PLCB1: variants seen among roughly 807,000 people sequenced by gnomAD.
PLCB1 encodes 1-phosphatidylinositol 4,5-bisphosphate phosphodiesterase beta-1.
In PLCB1, 46 loss-of-function variants were observed where a neutral mutation model predicts 161.8. The ratio of observed to expected loss-of-function variants is 0.28; its 90% CI spans 0.22 to 0.36. The LOEUF (loss-of-function observed/expected upper bound fraction) is 0.36. PLCB1 is among the 10% of genes least tolerant of loss of function. The pLI is 1.00. For missense variants in PLCB1, 1,016 were observed against 1,472.5 expected, an observed-to-expected ratio of 0.69 and a Z score of 5.07; for synonymous variants, 517 against 503.7, an observed-to-expected ratio of 1.03 and a Z score of -0.35.
chr20:8,496,452 A>T (rs555204172), intron 3 of PLCB1, among the ~76,000 whole-genome samples: 7 of 152,348 alleles, frequency 4.6e-5, no homozygotes, highest in Admixed American at 6.5e-5. Context: ...TGCATTAAGC[A>T]GTGATCGCGC....
chr20:8,261,243 G>A (rs1021323354), intron 2 of PLCB1, among the ~76,000 whole-genome samples: 3 of 152,036 alleles, frequency 2.0e-5, no homozygotes, highest in Admixed American at 6.6e-5. Flanking sequence ...TCTGAGAAAC[G>A]CCCCCAATAA....
chr20:8,303,851 G>T (rs1984011936), intron 2 of PLCB1, among the ~76,000 whole-genome samples: 1 of 152,130 alleles, frequency 6.6e-6, no homozygotes, highest in Admixed American at 6.6e-5. Flanking sequence ...TTGGCAGTAG[G>T]GTCTAGGATT....
At chr20:8,172,641 G>GT (rs772541807) in intron 2 of PLCB1, among the ~76,000 whole-genome samples, 2 of 152,148 alleles carry the variant, frequency 1.3e-5, no homozygotes, top group Non-Finnish European at 2.9e-5. Context: ...TTGGACTTGT[G>GT]TTTTTTAAAA....
chr20:8,224,690 A>C (rs572108720), intron 2 of PLCB1, among the ~76,000 whole-genome samples: 39 of 152,264 alleles, frequency 2.6e-4, no homozygotes, highest in African/African-American at 9.4e-4. Context: ...TAATTTTCAC[A>C]AACTGAACAA....
chr20:8,722,435 G>A lies in PLCB1; in HGVS notation c.1581+14G>A. On this transcript the variant is annotated intron_variant, in intron 15 of 31. Coordinates refer to ENST00000338037, the MANE Select transcript of PLCB1 (RefSeq NM_015192.4). ...TCAATGGATGAGGTGGGTACTTAGG[G>A]CTTCTGGTCCCTAAGGCATTCCACC... 6.3e-7 allele frequency: 1 copy of A among 1,597,440 alleles called. No individual in the cohort carries two copies. The highest frequency in any genetic ancestry group is 8.5e-7 in the Non-Finnish European group (1 of 1,170,520).
chr20:8,562,342 T>C (rs1358862274), intron 3 of PLCB1, among the ~76,000 whole-genome samples: 2 of 152,100 alleles, frequency 1.3e-5, no homozygotes. Flanking sequence ...TCAGCGGTCC[T>C]AATGTTTGGT....
chr20:8,250,657 G>C (rs1255079836), intron 2 of PLCB1, among the ~76,000 whole-genome samples: 1 of 151,838 alleles, frequency 6.6e-6, no homozygotes, highest in Admixed American at 6.6e-5. Context: ...TACTCATAGT[G>C]CATTTAATCT....
chr20:8,436,912 C>T (rs2122597657), intron 3 of PLCB1, among the ~76,000 whole-genome samples: 2 of 152,276 alleles, frequency 1.3e-5, no homozygotes, highest in Middle Eastern at 6.8e-3. Context: ...GCTTCAGCCT[C>T]CCAAGTAGCT....
intron 2 of PLCB1, among the ~76,000 whole-genome samples, chr20:8,243,839 A>G (rs1467528539): frequency 6.6e-6 from 1 of 151,948 alleles, no homozygotes; most frequent in Non-Finnish European, 1.5e-5. Context: ...ATACCACCAA[A>G]GTGGTGTGCT....
intron 31 of PLCB1, among the ~76,000 whole-genome samples, chr20:8,881,328 C>CGTGTGTGTGTGTGTGTGTGTGTGT (rs3222517): frequency 1.6e-5 from 2 of 128,860 alleles, no homozygotes; most frequent in African/African-American, 2.6e-5. Context: ...TCAAAAGACC[C>CGTGTGTGTGTGTGTGTGTGTGTGT]GTGTGTGTGT....
At chr20:8,197,273 C>T (rs1306303063) in intron 2 of PLCB1, among the ~76,000 whole-genome samples, 1 of 151,786 alleles carries the variant, frequency 6.6e-6, no homozygotes, top group Non-Finnish European at 1.5e-5. Flanking sequence ...GAACCAGTCC[C>T]ACCAACAGTG....
intron 26 of PLCB1, among the ~76,000 whole-genome samples, chr20:8,772,923 T>C (rs1259096531): frequency 6.6e-6 from 1 of 151,844 alleles, no homozygotes; most frequent in Non-Finnish European, 1.5e-5. Context: ...AGAGCAAAAC[T>C]CCATCTCAAA....
chr20:8,722,348 T>G lies in PLCB1; in HGVS notation c.1514-6T>G. 6.2e-7 allele frequency: 1 copy of G among 1,608,380 alleles called. No homozygotes were observed. Among genetic ancestry groups the G allele is most frequent in the Non-Finnish European group, 8.5e-7 (1 of 1,176,812 alleles). On this transcript the variant is annotated splice_region_variant and splice_polypyrimidine_tract_variant and intron_variant, in intron 14 of 31. Coordinates refer to ENST00000338037, the MANE Select transcript of PLCB1 (RefSeq NM_015192.4). ...GACATGATGATCTGTTATTAAAATT[T>G]GACAGGAGAAGCTGATACGGAAAGT...
intron 3 of PLCB1, among the ~76,000 whole-genome samples, chr20:8,569,853 T>C (rs1468688016): frequency 2.6e-5 from 4 of 152,176 alleles, no homozygotes; most frequent in Admixed American, 2.6e-4. Context: ...TGATTAAAAT[T>C]TACTACCAGT....
chr20:8,418,633 GATC>G (rs1979402921), intron 3 of PLCB1, among the ~76,000 whole-genome samples: 1 of 151,596 alleles, frequency 6.6e-6, no homozygotes, highest in Middle Eastern at 3.2e-3. Context: ...TTTCAGAGAT[GATC>G]ATTTGGGTTT....
intron 2 of PLCB1, among the ~76,000 whole-genome samples, chr20:8,237,955 T>C (rs144318761): frequency 2.0e-5 from 3 of 152,258 alleles, no homozygotes; most frequent in African/African-American, 7.2e-5. Context: ...AAGTTAAAGA[T>C]GGCCTTTGAA....
chr20:8,476,699 C>T (rs1049556579), intron 3 of PLCB1, among the ~76,000 whole-genome samples: 30 of 152,040 alleles, frequency 2.0e-4, no homozygotes, highest in African/African-American at 6.8e-4. Context: ...TTGAAATTTT[C>T]CTTTTCTTAA....
rs199634903 is a variant in PLCB1, at chr20:8,482,092, ATTTTTTTTTTT to A, written c.246+110662_246+110672del. ...TTCAATTTATTTTGTGCTTGAAGGA[ATTTTTTTTTTT>A]TTTTTTTTTTTTTTTTTTTGAGAGG... On this transcript the variant is annotated intron_variant, in intron 3 of 31. Transcript: ENST00000338037. 3.5e-3 allele frequency among the ~76,000 whole-genome samples: 365 copies of A among 104,874 alleles called. 3 individuals are homozygous for A. The highest frequency in any genetic ancestry group is 0.012 in the African/African-American group (273 of 23,654). The allele number at this position is 104,874 out of a possible 152,430, so 68.8% of individuals were successfully genotyped here.
intron 9 of PLCB1, among the ~76,000 whole-genome samples, chr20:8,675,232 C>T (rs1040785836): frequency 6.6e-6 from 1 of 152,090 alleles, no homozygotes; most frequent in African/African-American, 2.4e-5. Flanking sequence ...CTTGCACGCA[C>T]CACCGCACCT....
Sources: gnomAD v4.1 joint callset for allele counts (sites outside exome capture counted in the v4.1 genomes callset) on GRCh38, gnomAD v4.1.1 for gene constraint, MANE v1.5 for transcripts, NCBI Gene and HGNC (gene_info 2026-07-23, HGNC 2026-07-21) for gene names.